The following TNFRSF10C variants were observed in gnomAD, a reference collection of about 807,000 sequenced individuals.
TNFRSF10C encodes the protein TNF receptor superfamily member 10c.
Under a neutral mutation model 16.7 loss-of-function variants are expected in TNFRSF10C, and 17 were observed. The ratio of observed to expected loss-of-function variants is 1.02; its 90% CI spans 0.70 to 1.53. The LOEUF (loss-of-function observed/expected upper bound fraction) is 1.53. Ranked by LOEUF, TNFRSF10C falls within the 40% of genes most tolerant of loss-of-function variation. The pLI is 0.00. For synonymous variants in TNFRSF10C, 73 were observed against 119.7 expected (o/e 0.61, Z 2.55); for missense variants, 237 against 329.7 (o/e 0.72, Z 2.18).
At position 23,115,631 on chromosome 8, in the gene TNFRSF10C, AG is replaced by A; in HGVS notation, c.389+19del. 8 of 1,607,572 alleles carry A rather than the reference AG, an allele frequency of 5.0e-6. No homozygotes were observed. The highest frequency in any genetic ancestry group is 6.8e-6 in the Non-Finnish European group (8 of 1,175,712). The stretch of plus-strand genomic sequence containing the variant: ...AAGTGTAGCAGGTGAGACAGCAGTC[AG>A]GGGCTCCTGACAGCTTTCAGGAACC... On this transcript the variant is annotated intron_variant, in intron 4 of 4. Coordinates refer to ENST00000356864, the MANE Select transcript of TNFRSF10C (RefSeq NM_003841.5).
In TNFRSF10C at chr8:23,116,868, C is replaced by T. The variant is rs1486335284; in HGVS notation, c.617C>T (p.Ala206Val). The change falls in exon 5 of 5, where the codon GCC becomes GTC. Residue 206 changes from alanine (A) to valine (V), a missense_variant. Around this residue, in one of 2 missense-constraint regions of TNFRSF10C, gnomAD observed 25 missense variants for 133.0 expected, o/e 0.19. Transcript: ENST00000356864. The part of the protein sequence containing the change: ...ETMTTSPGTP[A>V]PAAEETMTTS... ...ATGACCACCAGCCCGGGGACTCCTG[C>T]CCCAGCTGCTGAAGAGACAATGACC... is the stretch of plus-strand genomic sequence containing the variant. 1 of 1,611,216 alleles carries T rather than the reference C, an allele frequency of 6.2e-7. No homozygotes were observed. The highest frequency in any genetic ancestry group is 2.2e-5 in the East Asian group (1 of 44,564).
chr8:23,108,925 T>G (rs1422782662), intron 1 of TNFRSF10C, among the ~76,000 whole-genome samples: 1 of 151,864 alleles, frequency 6.6e-6, no homozygotes, highest in Non-Finnish European at 1.5e-5. Flanking sequence ...TGGAAATCAG[T>G]AACAATATCC....
At chr8:23,115,210 GTC>G (rs1813957249) in intron 3 of TNFRSF10C, among the ~76,000 whole-genome samples, 1 of 152,114 alleles carries the variant, frequency 6.6e-6, no homozygotes, top group Admixed American at 6.5e-5. Context: ...TCCTTGCAGA[GTC>G]TCTCAGGTGA....
At chr8:23,103,269 G>A in intron 1 of TNFRSF10C, 88 bp downstream of exon 1, 1 of 1,553,970 alleles carries the variant, frequency 6.4e-7, no homozygotes, top group Non-Finnish European at 8.7e-7. Flanking sequence ...AGGGATGCCT[G>A]GCCCTGGTCA....
At position 23,102,928 on chromosome 8, in the gene TNFRSF10C, C is replaced by T. The variant is rs1813689112; in HGVS notation, c.-194C>T. 6.8e-7 allele frequency: 1 copy of T among 1,472,326 alleles called. No homozygotes were observed. Among genetic ancestry groups the T allele is most frequent in the Non-Finnish European group, 9.0e-7 (1 of 1,106,818 alleles). 91.2% of individuals were successfully genotyped at this position (1,472,326 alleles called of 1,614,324 possible). On this transcript the variant is annotated 5_prime_UTR_variant, in exon 1 of 5. Transcript: ENST00000356864. ...GCGCTGCGCTCCGATTCTGGCAGTG[C>T]AGCTGTGGGAACCTCTCCACGCGCA...
chr8:23,102,992 T>G lies in TNFRSF10C; in HGVS notation c.-130T>G, dbSNP rs573675786. 2.6e-6 allele frequency: 4 copies of G among 1,535,910 alleles called. No homozygotes were observed. Among genetic ancestry groups the G allele is most frequent in the East Asian group, 2.5e-5 (1 of 40,578 alleles). ...CGATTTCTGATAGATTTTTGGGAGT[T>G]TGACCAGAGATGCAAGGGGTGAAGG... On this transcript the variant is annotated 5_prime_UTR_variant, in exon 1 of 5. Coordinates refer to ENST00000356864, the MANE Select transcript of TNFRSF10C (RefSeq NM_003841.5).
chr8:23,110,969 G>C (rs1406473771), intron 1 of TNFRSF10C, among the ~76,000 whole-genome samples: 1 of 152,118 alleles, frequency 6.6e-6, no homozygotes, highest in African/African-American at 2.4e-5. Context: ...TCCAACCATG[G>C]TGGCATGTGC....
chr8:23,112,121 T>C (rs1437824420), intron 2 of TNFRSF10C, among the ~76,000 whole-genome samples: 1 of 151,464 alleles, frequency 6.6e-6, no homozygotes, highest in Admixed American at 6.6e-5. Context: ...AAACCACAGA[T>C]CAAAAATATG....
rs1335141685 is a variant in TNFRSF10C, at chr8:23,117,116, C to G, written c.*85C>G. The G allele has an allele frequency of 6.5e-7, 1 of 1,545,958 alleles. No individual in the cohort carries two copies. The highest frequency in any genetic ancestry group is 8.7e-7 in the Non-Finnish European group (1 of 1,148,804). The stretch of plus-strand genomic sequence containing the variant: ...GAGGGCGGGGGGCGCTGGACACTCT[C>G]TGCCCTGCCTCCCTCTGCTGTGTTC... On this transcript the variant is annotated 3_prime_UTR_variant, in exon 5 of 5. Transcript: ENST00000356864.
chr8:23,114,868 C>T, intron 3 of TNFRSF10C, 98 bp downstream of exon 3: 1 of 963,644 alleles, frequency 1.0e-6, no homozygotes, highest in Non-Finnish European at 1.7e-6. Flanking sequence ...TCCAGCCCAA[C>T]CTGGTCTTCA....
In TNFRSF10C at chr8:23,117,271, C is replaced by CTCAGGG; in HGVS notation, c.*240_*241insTCAGGG. 3.2e-6 allele frequency: 2 copies of CTCAGGG among 617,410 alleles called. No homozygotes were observed. Among genetic ancestry groups the CTCAGGG allele is most frequent in the East Asian group, 2.9e-5 (1 of 34,656 alleles). The allele number at this position is 617,410 out of a possible 1,614,324, so 38.2% of individuals were successfully genotyped here. ...GGACCCTGGTCTCATCAGTCCCTCTCCTGGAGCTGGGGGTCCACACATCTC... is the reference window on the plus strand; with the variant it reads ...GGACCCTGGTCTCATCAGTCCCTCTCTCAGGGCTGGAGCTGGGGGTCCACACATCTC... On this transcript the variant is annotated 3_prime_UTR_variant, in exon 5 of 5. Coordinates refer to ENST00000356864, the MANE Select transcript of TNFRSF10C (RefSeq NM_003841.5).
chr8:23,103,236 G>A (rs1439240948), intron 1 of TNFRSF10C, 55 bp downstream of exon 1: 3 of 1,584,232 alleles, frequency 1.9e-6, no homozygotes, highest in South Asian at 1.1e-5. Context: ...CGCCGGGAGG[G>A]GGCAGGGAGA....
chr8:23,109,750 A>G (rs1485742810), intron 1 of TNFRSF10C, among the ~76,000 whole-genome samples: 1 of 152,186 alleles, frequency 6.6e-6, no homozygotes, highest in Non-Finnish European at 1.5e-5. Context: ...GCATAAATCA[A>G]AGAATACAAA....
At chr8:23,112,133 G>A (rs533102458) in intron 2 of TNFRSF10C, among the ~76,000 whole-genome samples, 5 of 151,530 alleles carry the variant, frequency 3.3e-5, no homozygotes, top group African/African-American at 7.3e-5. Flanking sequence ...AAAAATATGC[G>A]GAAGAAATAA....
At chr8:23,107,733 A>T (rs1813804393) in intron 1 of TNFRSF10C, among the ~76,000 whole-genome samples, 1 of 151,736 alleles carries the variant, frequency 6.6e-6, no homozygotes, top group South Asian at 2.1e-4. Context: ...TTACAGGTCT[A>T]TTTCAACTAT....
chr8:23,106,241 T>C (rs940029314), intron 1 of TNFRSF10C, among the ~76,000 whole-genome samples: 2 of 152,100 alleles, frequency 1.3e-5, no homozygotes, highest in African/African-American at 2.4e-5. Flanking sequence ...GGAGGTAGCA[T>C]GAAGGAGGCC....
intron 1 of TNFRSF10C, among the ~76,000 whole-genome samples, chr8:23,106,769 G>A (rs965830913): frequency 2.0e-5 from 3 of 151,860 alleles, no homozygotes; most frequent in African/African-American, 4.8e-5. Flanking sequence ...GGTGGATCAC[G>A]AGGTCAGGAG....
chr8:23,116,027 T>C (rs949688894), intron 4 of TNFRSF10C, among the ~76,000 whole-genome samples: 28 of 152,344 alleles, frequency 1.8e-4, no homozygotes, highest in Admixed American at 1.8e-3. Context: ...ATATTTTTTA[T>C]GCAGGCAGGA....
intron 3 of TNFRSF10C, among the ~76,000 whole-genome samples, chr8:23,115,160 G>C (rs1043432255): frequency 1.4e-5 from 2 of 143,778 alleles, no homozygotes; most frequent in African/African-American, 4.9e-5. Context: ...CTCCTCCCCA[G>C]CAGGCCCAGG....
Sources: gnomAD v4.1 joint callset for allele counts (sites outside exome capture counted in the v4.1 genomes callset) on GRCh38, gnomAD v4.1.1 for gene constraint, gnomAD v4.1.1 regional missense constraint, MANE v1.5 for transcripts, NCBI Gene and HGNC (gene_info 2026-07-23, HGNC 2026-07-21) for gene names.